DAB1: variants seen among roughly 807,000 people sequenced by gnomAD.
DAB1 encodes the protein disabled homolog 1.
Under a neutral mutation model 64.6 loss-of-function variants are expected in DAB1, and 15 were observed. The ratio of observed to expected loss-of-function variants is 0.23; its 90% CI spans 0.16 to 0.36. The LOEUF (loss-of-function observed/expected upper bound fraction) is 0.36. Among genes scored for constraint, DAB1 ranks in the 10% least tolerant of loss-of-function variants. DAB1 has a pLI of 1.00. For missense variants in DAB1, 596 were observed against 706.7 expected, an observed-to-expected ratio of 0.84 and a Z score of 1.78; for synonymous variants, 235 against 251.9, an observed-to-expected ratio of 0.93 and a Z score of 0.64.
intron 5 of DAB1, among the ~76,000 whole-genome samples, chr1:58,061,925 A>T (rs111941702): frequency 2.5e-4 from 38 of 152,270 alleles, no homozygotes; most frequent in Non-Finnish European, 4.3e-4. Context: ...GCTATCCGCA[A>T]ATTAACTGAG....
intron 4 of DAB1, among the ~76,000 whole-genome samples, chr1:58,186,269 T>C (rs1657070504): frequency 6.6e-6 from 1 of 152,136 alleles, no homozygotes; most frequent in Non-Finnish European, 1.5e-5. Flanking sequence ...GGCAACAGAA[T>C]GAATGGAAGC....
At chr1:57,852,488 A>G (rs1446538054) in intron 1 of DAB1, among the ~76,000 whole-genome samples, 1 of 152,088 alleles carries the variant, frequency 6.6e-6, no homozygotes, top group African/African-American at 2.4e-5. Flanking sequence ...TGGGATGCAG[A>G]GAGAACCATC....
At chr1:58,300,596 GAAAGAAAGAAAGAA>G (rs879517201) in intron 4 of DAB1, among the ~76,000 whole-genome samples, 7,667 of 40,594 alleles carry the variant, frequency 0.19, 732 homozygotes, top group Non-Finnish European at 0.25. Context: ...AAGAAAGAAA[GAAAGAAAGAAAGAA>G]AGAGAGAGAG....
intron 2 of DAB1, among the ~76,000 whole-genome samples, chr1:57,274,983 G>A (rs1570131714): frequency 6.6e-6 from 1 of 152,018 alleles, no homozygotes; most frequent in African/African-American, 2.4e-5. Flanking sequence ...AGCATAAGGA[G>A]GAGGAAGAGA....
intron 1 of DAB1, among the ~76,000 whole-genome samples, chr1:57,314,794 G>A (rs1675053006): frequency 6.6e-6 from 1 of 151,342 alleles, no homozygotes; most frequent in African/African-American, 2.4e-5. Flanking sequence ...ACAAAGAAAG[G>A]GATGAACAGA....
chr1:57,386,374 A>G (rs1172327489), intron 1 of DAB1, among the ~76,000 whole-genome samples: 20 of 84,572 alleles, frequency 2.4e-4, no homozygotes, highest in African/African-American at 6.3e-4. Context: ...GGGAAAAAAA[A>G]AAAAAAAAAA....
chr1:57,544,686 G>C (rs1212173658), intron 7 of DAB1, among the ~76,000 whole-genome samples: 3 of 152,154 alleles, frequency 2.0e-5, no homozygotes, highest in Admixed American at 2.0e-4. Context: ...GGGACCCAGT[G>C]GGGGGTAATA....
chr1:58,227,968 T>C (rs1441612462), intron 4 of DAB1, among the ~76,000 whole-genome samples: 2 of 152,216 alleles, frequency 1.3e-5, no homozygotes, highest in South Asian at 2.1e-4. Context: ...ACATACCTGA[T>C]GTAGACATCG....
chr1:57,274,932 A>AT (rs981298914), intron 2 of DAB1, among the ~76,000 whole-genome samples: 4 of 151,658 alleles, frequency 2.6e-5, no homozygotes, highest in African/African-American at 9.7e-5. Context: ...CTGCTTAAAA[A>AT]AAAATTGTCT....
chr1:57,087,523 G>T (rs2100648207), intron 4 of DAB1, among the ~76,000 whole-genome samples: 1 of 152,328 alleles, frequency 6.6e-6, no homozygotes, highest in East Asian at 1.9e-4. Flanking sequence ...CGTGGGTGTT[G>T]AGAGGGTGTT....
At position 57,166,739 on chromosome 1, in the gene DAB1, G is replaced by GT. The variant is rs139259678; in HGVS notation, c.68-21311dup. 1.2e-3 allele frequency among the ~76,000 whole-genome samples: 179 copies of GT among 152,332 alleles called. 1 individual carries two copies. In the East Asian group the frequency reaches 0.025, roughly 21 times the overall value. ...CAAATTCAAGGCCAGAAAAGCTGTT[G>GT]TAAAAGACCTTACATCTAACTCTGC... On this transcript the variant is annotated intron_variant, in intron 2 of 14. Transcript: ENST00000371236.
chr1:58,372,146 G>A (rs902355765), intron 3 of DAB1, among the ~76,000 whole-genome samples: 1 of 152,198 alleles, frequency 6.6e-6, no homozygotes, highest in South Asian at 2.1e-4. Flanking sequence ...GGCACCCAAC[G>A]CCAGGCAATG....
At chr1:57,258,717 G>T (rs887943500) in intron 2 of DAB1, among the ~76,000 whole-genome samples, 7 of 152,142 alleles carry the variant, frequency 4.6e-5, no homozygotes, top group African/African-American at 1.4e-4. Flanking sequence ...TGTTCGACAG[G>T]ATTTGCTCGC....
intron 5 of DAB1, among the ~76,000 whole-genome samples, chr1:57,984,194 AAGAAAGAAAG>A (rs1646141665): frequency 1.2e-5 from 1 of 80,690 alleles, no homozygotes; most frequent in Admixed American, 1.3e-4. Flanking sequence ...AAAAGAAAGA[AAGAAAGAAAG>A]AAAGAAAGAA....
At chr1:57,834,388 C>T (rs1652717681) in intron 1 of DAB1, among the ~76,000 whole-genome samples, 1 of 152,110 alleles carries the variant, frequency 6.6e-6, no homozygotes, top group South Asian at 2.1e-4. Flanking sequence ...CTTTTTTGAA[C>T]ACAGTAGATA....
chr1:58,134,656 A>T (rs1033429370), intron 5 of DAB1, among the ~76,000 whole-genome samples: 4 of 152,180 alleles, frequency 2.6e-5, no homozygotes, highest in African/African-American at 9.7e-5. Context: ...CAGGAGAGAG[A>T]CAGTGAAGGG....
rs138420132 is a variant in DAB1, at chr1:58,505,036, T to C, written n.257+1024A>G. Among the ~76,000 whole-genome samples, 247 of 152,260 alleles carry C rather than the reference T, an allele frequency of 1.6e-3. 1 individual carries two copies. The highest frequency in any genetic ancestry group is 5.8e-3 in the African/African-American group (241 of 41,540). ...GGCACGATCTCGGCTCACTACAACTTCTGCCTCCAGGGTTCAAGCGATTCC... is the reference window on the plus strand; with the variant it reads ...GGCACGATCTCGGCTCACTACAACTCCTGCCTCCAGGGTTCAAGCGATTCC... On this transcript the variant is annotated intron_variant and non_coding_transcript_variant, in intron 3 of 20. Transcript: ENST00000485760.
chr1:58,396,846 A>C (rs1644527283), intron 3 of DAB1, among the ~76,000 whole-genome samples: 2 of 152,108 alleles, frequency 1.3e-5, no homozygotes, highest in South Asian at 4.1e-4. Flanking sequence ...GCGGATCATG[A>C]GGTCAAGAGA....
At chr1:58,532,510 T>G (rs1646449378) in intron 1 of DAB1, among the ~76,000 whole-genome samples, 1 of 152,200 alleles carries the variant, frequency 6.6e-6, no homozygotes, top group South Asian at 2.1e-4. Flanking sequence ...TATATTTGTT[T>G]AAGAAAAAAA....
Sources: allele counts gnomAD v4.1 joint callset (sites outside exome capture counted in the v4.1 genomes callset), GRCh38; gene constraint gnomAD v4.1.1; transcripts MANE v1.5; gene names NCBI Gene and HGNC (gene_info 2026-07-23, HGNC 2026-07-21).